PAPPA2: variants seen among roughly 807,000 people sequenced by gnomAD.
PAPPA2 encodes the protein pappalysin 2, also known as pappalysin-2.
A neutral mutation model predicts 176.4 loss-of-function variants in PAPPA2; 86 were observed. The observed-to-expected ratio is 0.49, with a 90% CI of 0.41 to 0.58. The LOEUF (loss-of-function observed/expected upper bound fraction) is 0.58. Ranked by LOEUF, PAPPA2 falls within the 20% of genes least tolerant of loss-of-function variation. The pLI is 0.00. For synonymous variants in PAPPA2, 809 were observed against 852.2 expected, an observed-to-expected ratio of 0.95 and a Z score of 0.88; for missense variants, 2,073 against 2,256.9, an observed-to-expected ratio of 0.92 and a Z score of 1.65.
At chr1:176,685,155 G>T (rs1316331554) in intron 4 of PAPPA2, among the ~76,000 whole-genome samples, 12 of 151,902 alleles carry the variant, frequency 7.9e-5, no homozygotes, top group Admixed American at 7.9e-4. Context: ...AACGTGTACT[G>T]CCAGACTGCA....
At chr1:176,665,666 A>G (rs952059146) in intron 3 of PAPPA2, among the ~76,000 whole-genome samples, 5 of 152,192 alleles carry the variant, frequency 3.3e-5, no homozygotes, top group African/African-American at 1.2e-4. Flanking sequence ...CAAAATGCCA[A>G]TGTGTTCCTT....
intron 22 of PAPPA2, among the ~76,000 whole-genome samples, chr1:176,840,483 T>G (rs1667447665): frequency 6.6e-6 from 1 of 152,168 alleles, no homozygotes; most frequent in Non-Finnish European, 1.5e-5. Context: ...GTTCAGTGAT[T>G]CTTTCAGAAA....
At chr1:176,697,505 G>C (rs780682363) in intron 7 of PAPPA2, among the ~76,000 whole-genome samples, 1 of 152,152 alleles carries the variant, frequency 6.6e-6, no homozygotes, top group Non-Finnish European at 1.5e-5. Context: ...CACTATAAGA[G>C]TAATCTCTAA....
chr1:176,820,380 G>A (rs907401258), intron 21 of PAPPA2, among the ~76,000 whole-genome samples: 3 of 152,126 alleles, frequency 2.0e-5, no homozygotes, highest in Admixed American at 2.0e-4. Context: ...GTTCATTCTA[G>A]CCTGCAACAT....
chr1:176,588,666 G>C (rs1188373076), intron 2 of PAPPA2, among the ~76,000 whole-genome samples: 25 of 152,206 alleles, frequency 1.6e-4, no homozygotes. Flanking sequence ...TTTGCTGGAT[G>C]TGTGCTTGCT....
chr1:176,827,074 C>A (rs978075803), intron 21 of PAPPA2, among the ~76,000 whole-genome samples: 2 of 152,178 alleles, frequency 1.3e-5, no homozygotes, highest in Non-Finnish European at 2.9e-5. Context: ...TTCAAGTGGT[C>A]CTGATGACTT....
chr1:176,745,008 G>A (rs1036073677), intron 14 of PAPPA2, among the ~76,000 whole-genome samples: 2 of 152,172 alleles, frequency 1.3e-5, no homozygotes, highest in African/African-American at 4.8e-5. Context: ...CCAGGTTGGA[G>A]TACCACCTGT....
intron 2 of PAPPA2, among the ~76,000 whole-genome samples, chr1:176,592,431 G>T (rs1417622935): frequency 6.6e-6 from 1 of 152,100 alleles, no homozygotes. Flanking sequence ...ATCAGAACTA[G>T]ACTGGTATAA....
rs143720805 is a variant in PAPPA2, at chr1:176,821,430, A to T, written c.5203-18743A>T. 4.2e-3 allele frequency among the ~76,000 whole-genome samples: 643 copies of T among 152,356 alleles called. 4 individuals are homozygous for T. Among genetic ancestry groups the T allele is most frequent in the African/African-American group, 0.014 (587 of 41,598 alleles). ...TGAAAGGAAATGGCATGAAGCTGTC[A>T]TCAAGTCTTTCTGTAATAAAGCTGC... is the stretch of plus-strand genomic sequence containing the variant. On this transcript the variant is annotated intron_variant, in intron 21 of 22. Transcript: ENST00000367662.
intron 3 of PAPPA2, among the ~76,000 whole-genome samples, chr1:176,623,673 C>CTTTCTTTT (rs1553375909): frequency 8.8e-6 from 1 of 113,358 alleles, no homozygotes; most frequent in African/African-American, 3.6e-5. Flanking sequence ...CTTTCTTTTT[C>CTTTCTTTT]TTTCTTTCTT....
chr1:176,504,235 C>G (rs1330392689), intron 1 of PAPPA2, among the ~76,000 whole-genome samples: 2 of 152,108 alleles, frequency 1.3e-5, no homozygotes, highest in East Asian at 3.9e-4. Flanking sequence ...AAAATTTAAA[C>G]AGTACAAAAG....
At chr1:176,503,558 A>T (rs1648084408) in intron 1 of PAPPA2, among the ~76,000 whole-genome samples, 2 of 152,172 alleles carry the variant, frequency 1.3e-5, no homozygotes, top group Non-Finnish European at 2.9e-5. Flanking sequence ...ATCATAAAAA[A>T]ATTTAAAACA....
At chr1:176,623,621 T>TTTTTA (rs1558479071) in intron 3 of PAPPA2, among the ~76,000 whole-genome samples, 2,535 of 131,630 alleles carry the variant, frequency 0.019, 21 homozygotes, top group Non-Finnish European at 0.03. Flanking sequence ...CTTCCTTCCT[T>TTTTTA]CCTTTTTTAC....
At chr1:176,611,791 C>G (rs568762715) in intron 3 of PAPPA2, among the ~76,000 whole-genome samples, 4 of 152,260 alleles carry the variant, frequency 2.6e-5, no homozygotes, top group African/African-American at 9.6e-5. Context: ...AAACTCAAAT[C>G]TAAGGAATCT....
At chr1:176,596,988 T>C (rs12144911) in intron 3 of PAPPA2, among the ~76,000 whole-genome samples, 37,147 of 152,128 alleles carry the variant, frequency 0.24, 4,549 homozygotes, top group South Asian at 0.34. Context: ...GATCTCAGCT[T>C]CCACCCAATG....
intron 17 of PAPPA2, among the ~76,000 whole-genome samples, chr1:176,781,736 G>A (rs548301572): frequency 6.6e-6 from 1 of 152,048 alleles, no homozygotes; most frequent in South Asian, 2.1e-4. Context: ...ATTATTTGGG[G>A]GTCCTTTTAA....
chr1:176,466,761 C>A (rs954585023), intron 1 of PAPPA2, among the ~76,000 whole-genome samples: 8 of 152,078 alleles, frequency 5.3e-5, no homozygotes, highest in African/African-American at 1.9e-4. Flanking sequence ...GCAGCACAGA[C>A]CGAAGGCCAA....
At chr1:176,583,928 A>T (rs1479291861) in intron 2 of PAPPA2, among the ~76,000 whole-genome samples, 1 of 152,100 alleles carries the variant, frequency 6.6e-6, no homozygotes, top group Non-Finnish European at 1.5e-5. Context: ...GGTGGCATAC[A>T]CCTATAGTCC....
intron 2 of PAPPA2, among the ~76,000 whole-genome samples, chr1:176,575,134 G>T (rs1234915382): frequency 6.6e-6 from 1 of 152,168 alleles, no homozygotes; most frequent in East Asian, 1.9e-4. Context: ...TTAGGAAGGA[G>T]ACCCCTGCTG....
Sources: gnomAD v4.1 joint callset for allele counts (sites outside exome capture counted in the v4.1 genomes callset) on GRCh38, gnomAD v4.1.1 for gene constraint, MANE v1.5 for transcripts, NCBI Gene and HGNC (gene_info 2026-07-23, HGNC 2026-07-21) for gene names.